Variants in ATXN7L1 observed in about 807,000 individuals in gnomAD.
The protein encoded by ATXN7L1 is ataxin-7-like protein 1.
ATXN7L1 carries 15 observed loss-of-function variants against 70.8 expected under a neutral mutation model. The observed-to-expected ratio is 0.21, with a 90% CI of 0.14 to 0.33. The LOEUF is 0.33. Ranked by LOEUF, ATXN7L1 falls within the 10% of genes least tolerant of loss-of-function variation. The pLI is 1.00. For missense variants in ATXN7L1, 975 were observed against 1,097.1 expected, an observed-to-expected ratio of 0.89 and a Z score of 1.57; for synonymous variants, 440 against 445.1, an observed-to-expected ratio of 0.99 and a Z score of 0.14.
At chr7:105,702,571 C>CAG (rs1730395609) in intron 3 of ATXN7L1, among the ~76,000 whole-genome samples, 1 of 151,734 alleles carries the variant, frequency 6.6e-6, no homozygotes, top group Non-Finnish European at 1.5e-5. Context: ...CACAGACACA[C>CAG]ATACACACAC....
rs34003989 is a variant in ATXN7L1 at position 105,710,401 on chromosome 7, CTTTTT to C, written c.356-45118_356-45114del. ...ACAGTGAAGAGGGAGGTGCCATGCA[CTTTTT>C]TTTTTTTTTTTTTTTTTTTGAGATG... On this transcript the variant is annotated intron_variant, in intron 3 of 11. Coordinates refer to ENST00000419735, the MANE Select transcript of ATXN7L1 (RefSeq NM_020725.2). 9.6e-4 allele frequency among the ~76,000 whole-genome samples: 75 copies of C among 78,132 alleles called. 1 individual carries two copies. In the South Asian group the frequency reaches 9.9e-3, roughly 10 times the overall value. The allele number at this position is 78,132 out of a possible 152,430, so 51.3% of individuals were successfully genotyped here. A position where few individuals can be genotyped will look rare whatever the true frequency, so the allele number is the denominator to read the frequency against.
intron 3 of ATXN7L1, among the ~76,000 whole-genome samples, chr7:105,774,001 G>T (rs1802378344): frequency 1.3e-5 from 2 of 152,090 alleles, no homozygotes; most frequent in Non-Finnish European, 2.9e-5. Context: ...GCAGCTCTGG[G>T]GTACACCCTC....
intron 3 of ATXN7L1, among the ~76,000 whole-genome samples, chr7:105,695,592 G>C (rs752049893): frequency 3.3e-5 from 5 of 152,196 alleles, no homozygotes; most frequent in Admixed American, 2.6e-4. Context: ...CAGCAGGCCT[G>C]ACAGCTGTAC....
chr7:105,737,877 G>T (rs2116351164), intron 3 of ATXN7L1, among the ~76,000 whole-genome samples: 1 of 152,244 alleles, frequency 6.6e-6, no homozygotes, highest in South Asian at 2.1e-4. Context: ...GCAAAGAGTG[G>T]CCCAGAGACT....
At chr7:105,803,630 G>A (rs970219893) in intron 2 of ATXN7L1, among the ~76,000 whole-genome samples, 1 of 152,152 alleles carries the variant, frequency 6.6e-6, no homozygotes, top group Admixed American at 6.5e-5. Flanking sequence ...AGCTCTTAGG[G>A]GACAGATGAC....
At position 105,614,404 on chromosome 7, in the gene ATXN7L1, T is replaced by C; in HGVS notation, c.1930A>G (p.Lys644Glu). The change falls in exon 10 of 12, where the codon AAA becomes GAA. Residue 644 changes from lysine to glutamate, a missense_variant. Coordinates refer to ENST00000419735, the MANE Select transcript of ATXN7L1 (RefSeq NM_020725.2). The surrounding 1 kb of genome is among the most constrained non-coding windows in gnomAD (Gnocchi z 4.3). ...GAAGTCGAAGACTGTGGCTTCCTTTTTTTGTTACTTGGAGACTCGTCGCTA... is the reference window on the plus strand; with the variant it reads ...GAAGTCGAAGACTGTGGCTTCCTTTCTTTGTTACTTGGAGACTCGTCGCTA... ...TRSDESPSNK[K>E]RKPQSSTSSS... 6.4e-7 allele frequency: 1 copy of C among 1,551,914 alleles called. No individual in the cohort carries two copies. Among genetic ancestry groups the C allele is most frequent in the Non-Finnish European group, 8.7e-7 (1 of 1,146,958 alleles).
At chr7:105,727,209 G>C (rs1366933256) in intron 3 of ATXN7L1, among the ~76,000 whole-genome samples, 4 of 152,084 alleles carry the variant, frequency 2.6e-5, no homozygotes, top group African/African-American at 7.2e-5. Context: ...GTGTTCACTA[G>C]AGCACTGCCA....
chr7:105,761,127 G>A, intron 3 of ATXN7L1: 8 of 1,171,880 alleles, frequency 6.8e-6, no homozygotes, highest in Non-Finnish European at 8.4e-6. Context: ...GGTGGGAATT[G>A]ATGGCAGCTT....
chr7:105,739,380 A>T (rs1477532576), intron 3 of ATXN7L1, among the ~76,000 whole-genome samples: 4 of 152,234 alleles, frequency 2.6e-5, no homozygotes, highest in Non-Finnish European at 5.9e-5. Context: ...CATGTACCCT[A>T]AAGTTTGAGA....
intron 8 of ATXN7L1, among the ~76,000 whole-genome samples, chr7:105,622,888 G>C (rs73192171): frequency 6.6e-6 from 1 of 152,140 alleles, no homozygotes; most frequent in Non-Finnish European, 1.5e-5. Context: ...GACGTACAGG[G>C]ACCATGCGTG....
chr7:105,771,201 GATAATAATAATAATAATA>G (rs67884616), intron 3 of ATXN7L1, among the ~76,000 whole-genome samples: 3 of 139,250 alleles, frequency 2.2e-5, no homozygotes, highest in Non-Finnish European at 3.1e-5. Context: ...CTCCGTCTCT[GATAATAATAATAATAATA>G]ATAATAATAA....
intron 3 of ATXN7L1, among the ~76,000 whole-genome samples, chr7:105,704,355 T>C (rs943674674): frequency 1.3e-5 from 2 of 152,232 alleles, no homozygotes; most frequent in African/African-American, 4.8e-5. Flanking sequence ...ATCTGGCTTA[T>C]TAACTGTAAT....
intron 4 of ATXN7L1, among the ~76,000 whole-genome samples, chr7:105,660,218 C>T (rs1024077315): frequency 2.6e-5 from 4 of 152,114 alleles, no homozygotes; most frequent in Admixed American, 1.3e-4. Flanking sequence ...TGTGACCCCC[C>T]GAGCCATCAT....
intron 3 of ATXN7L1, among the ~76,000 whole-genome samples, chr7:105,730,459 G>A (rs1022129413): frequency 2.0e-5 from 3 of 152,144 alleles, no homozygotes; most frequent in South Asian, 2.1e-4. Context: ...AGGGCCAGGC[G>A]TGGTGGCTCA....
At chr7:105,744,688 C>G (rs1014186779) in intron 3 of ATXN7L1, among the ~76,000 whole-genome samples, 2 of 150,272 alleles carry the variant, frequency 1.3e-5, no homozygotes, top group Non-Finnish European at 3.0e-5. Flanking sequence ...TGAAGAGACA[C>G]AACAACTAAA....
chr7:105,854,958 C>CTTT (rs34345388), intron 2 of ATXN7L1, among the ~76,000 whole-genome samples: 4 of 130,402 alleles, frequency 3.1e-5, no homozygotes, highest in Admixed American at 7.8e-5. Context: ...TCTTCTTCTT[C>CTTT]TTTTTTTTTT....
intron 2 of ATXN7L1, among the ~76,000 whole-genome samples, chr7:105,818,230 A>T (rs1022201369): frequency 2.6e-5 from 4 of 152,060 alleles, no homozygotes; most frequent in Admixed American, 2.0e-4. Context: ...AGTGCAGTGG[A>T]GAGATCTCAG....
chr7:105,782,690 T>C, intron 3 of ATXN7L1, among the ~76,000 whole-genome samples: 1 of 152,232 alleles, frequency 6.6e-6, no homozygotes, highest in East Asian at 1.9e-4. Context: ...AGAGAGATAC[T>C]GGAGCTTCAC....
chr7:105,872,523 T>C (rs1456370514), intron 2 of ATXN7L1, among the ~76,000 whole-genome samples: 1 of 152,098 alleles, frequency 6.6e-6, no homozygotes, highest in Admixed American at 6.5e-5. Flanking sequence ...TGCTACAACA[T>C]GGATGAGCTA....
Sources: allele counts gnomAD v4.1 joint callset (sites outside exome capture counted in the v4.1 genomes callset), GRCh38; gene constraint gnomAD v4.1.1; non-coding constraint Gnocchi (gnomAD v3.1); transcripts MANE v1.5; gene names NCBI Gene and HGNC (gene_info 2026-07-23, HGNC 2026-07-21).